The following GLYATL2 variants were observed in gnomAD, a reference collection of about 807,000 sequenced individuals.
GLYATL2 encodes glycine N-acyltransferase-like protein 2.
A neutral mutation model predicts 21.4 loss-of-function variants in GLYATL2; 25 were observed. That is an observed-to-expected ratio of 1.17 (90% confidence interval 0.85 to 1.63). The LOEUF is 1.63. Among genes scored for constraint, GLYATL2 ranks in the 40% most tolerant of loss-of-function variants. GLYATL2 has a pLI of 0.00. For missense variants in GLYATL2, 361 were observed against 343.3 expected, an observed-to-expected ratio of 1.05 and a Z score of -0.41; for synonymous variants, 114 against 118.2, an observed-to-expected ratio of 0.96 and a Z score of 0.23.
intron 1 of GLYATL2, among the ~76,000 whole-genome samples, chr11:58,840,476 G>A (rs750694750): frequency 1.3e-5 from 2 of 152,136 alleles, no homozygotes; most frequent in Non-Finnish European, 2.9e-5. Context: ...TCTTTGAAGA[G>A]TGTTTAATGA....
chr11:58,882,799 T>C (rs1429219233), intron 1 of GLYATL2, among the ~76,000 whole-genome samples: 1 of 152,228 alleles, frequency 6.6e-6, no homozygotes, highest in Non-Finnish European at 1.5e-5. Flanking sequence ...TTTCTACATA[T>C]GGCTAGCCAG....
chr11:58,846,446 A>C (rs1041239111), upstream of GLYATL2, among the ~76,000 whole-genome samples: 2 of 152,204 alleles, frequency 1.3e-5, no homozygotes, highest in African/African-American at 4.8e-5. Context: ...AGTAAAAAAC[A>C]GTCTTGAATC....
chr11:58,844,949 A>G (rs1853616843), upstream of GLYATL2, among the ~76,000 whole-genome samples: 1 of 152,230 alleles, frequency 6.6e-6, no homozygotes, highest in African/African-American at 2.4e-5. Context: ...AGTTACTGTA[A>G]TAATGAGAAC....
upstream of GLYATL2, chr11:58,905,472 G>T: frequency 2.2e-6 from 1 of 456,256 alleles, no homozygotes; most frequent in South Asian, 1.5e-5. Flanking sequence ...CACCTTGGCG[G>T]GCTATTCCCC....
At chr11:58,863,062 CTGG>C (rs1853959962) in intron 1 of GLYATL2, among the ~76,000 whole-genome samples, 1 of 152,148 alleles carries the variant, frequency 6.6e-6, no homozygotes, top group Non-Finnish European at 1.5e-5. Context: ...CCTGTGTCAG[CTGG>C]TGGTAGGCTT....
intron 1 of GLYATL2, among the ~76,000 whole-genome samples, chr11:58,895,457 G>T (rs1590753960): frequency 6.6e-6 from 1 of 152,222 alleles, no homozygotes; most frequent in East Asian, 1.9e-4. Context: ...CTGGAACCTG[G>T]GAAGGGACAT....
chr11:58,878,415 A>T, intron 1 of GLYATL2: 1 of 518,430 alleles, frequency 1.9e-6, no homozygotes, highest in Non-Finnish European at 2.8e-6. Flanking sequence ...ATCTTCACAC[A>T]TTTGTGTTTT....
At chr11:58,887,949 G>A (rs1854472741) in intron 1 of GLYATL2, among the ~76,000 whole-genome samples, 1 of 152,100 alleles carries the variant, frequency 6.6e-6, no homozygotes, top group East Asian at 1.9e-4. Context: ...ATTTCCATTA[G>A]CAATGTGTGG....
chr11:58,866,205 T>G (rs1358619617), intron 1 of GLYATL2, among the ~76,000 whole-genome samples: 1 of 148,894 alleles, frequency 6.7e-6, no homozygotes, highest in Non-Finnish European at 1.5e-5. Context: ...CACTTTGGTG[T>G]CAAGTTTTTC....
At chr11:58,851,628 T>C (rs536381294) in intron 1 of GLYATL2, among the ~76,000 whole-genome samples, 1 of 152,310 alleles carries the variant, frequency 6.6e-6, no homozygotes, top group East Asian at 1.9e-4. Flanking sequence ...TATTACATAA[T>C]ATTTGGACAC....
At chr11:58,848,900 A>G (rs1291774596), upstream of GLYATL2, among the ~76,000 whole-genome samples, 1 of 152,170 alleles carries the variant, frequency 6.6e-6, no homozygotes, top group Non-Finnish European at 1.5e-5. Context: ...ATCTCAAGGC[A>G]TTTAAAATCA....
chr11:58,909,687 A>G, the GLYATL2 span, among the ~76,000 whole-genome samples: 2 of 152,348 alleles, frequency 1.3e-5, no homozygotes, highest in Admixed American at 6.5e-5. Context: ...GGAGAATTCA[A>G]TAATGTAGTA....
At chr11:58,839,217 AT>A (rs1853499124) in intron 2 of GLYATL2, among the ~76,000 whole-genome samples, 1 of 152,192 alleles carries the variant, frequency 6.6e-6, no homozygotes, top group Non-Finnish European at 1.5e-5. Flanking sequence ...ATATGACCCT[AT>A]ATGTGTCATA....
intron 1 of GLYATL2, among the ~76,000 whole-genome samples, chr11:58,860,575 A>G (rs1565096228): frequency 1.3e-5 from 2 of 152,086 alleles, no homozygotes; most frequent in Non-Finnish European, 2.9e-5. Context: ...TTCCTTTCCA[A>G]TTTGGATGCT....
intron 1 of GLYATL2, among the ~76,000 whole-genome samples, chr11:58,880,859 T>G (rs1032753282): frequency 6.6e-6 from 1 of 152,242 alleles, no homozygotes; most frequent in Non-Finnish European, 1.5e-5. Flanking sequence ...TTTGAGGACT[T>G]TGACCTCAGA....
chr11:58,901,093 C>A (rs1343411778), intron 1 of GLYATL2, among the ~76,000 whole-genome samples: 1 of 152,168 alleles, frequency 6.6e-6, no homozygotes, highest in Non-Finnish European at 1.5e-5. Flanking sequence ...GTACTCAGGA[C>A]GGTGCTAAAA....
chr11:58,901,162 G>A (rs1224089441), intron 1 of GLYATL2, among the ~76,000 whole-genome samples: 2 of 152,298 alleles, frequency 1.3e-5, no homozygotes, highest in South Asian at 2.1e-4. Flanking sequence ...CACCGCTGAC[G>A]CCCTGGGAGG....
intron 1 of GLYATL2, among the ~76,000 whole-genome samples, chr11:58,860,783 C>T (rs1222901347): frequency 4.6e-5 from 7 of 152,008 alleles, no homozygotes; most frequent in Non-Finnish European, 1.0e-4. Context: ...TTCTATACCT[C>T]ATTTGTTGAG....
chr11:58,902,559 G>A (rs1430215241), intron 1 of GLYATL2, among the ~76,000 whole-genome samples: 1 of 152,096 alleles, frequency 6.6e-6, no homozygotes, highest in Admixed American at 6.6e-5. Context: ...TCTTTTAGGG[G>A]TTCATGAAGG....
Sources: gnomAD v4.1 joint callset for allele counts (sites outside exome capture counted in the v4.1 genomes callset) on GRCh38, gnomAD v4.1.1 for gene constraint, MANE v1.5 for transcripts, NCBI Gene and HGNC (gene_info 2026-07-23, HGNC 2026-07-21) for gene names.